CFAP54: variants seen among roughly 807,000 people sequenced by gnomAD.
The protein encoded by CFAP54 is cilia and flagella associated protein 54.
A neutral mutation model predicts 370.4 loss-of-function variants in CFAP54; 290 were observed. That is an observed-to-expected ratio of 0.78 (90% CI 0.71 to 0.86). The LOEUF is 0.86. Ranked by LOEUF, CFAP54 falls within the 40% of genes least tolerant of loss-of-function variation. The probability of loss-of-function intolerance (pLI) is 0.00; values close to 1 mark genes in which losing one functional copy is unlikely to be tolerated. For synonymous variants in CFAP54, 1,206 were observed against 1,236.5 expected (o/e 0.98, Z 0.52); for missense variants, 3,399 against 3,528.7 (o/e 0.96, Z 0.93).
At chr12:96,527,171 A>G (rs1266643353) in intron 8 of CFAP54, 75 bp from the exon 9 acceptor site, 1 of 1,296,310 alleles carries the variant, frequency 7.7e-7, no homozygotes, top group Non-Finnish European at 1.0e-6. Flanking sequence ...TGTTGGGATT[A>G]TAGGCATGAG....
At chr12:96,796,319 C>T (rs1958761727) in intron 63 of CFAP54, among the ~76,000 whole-genome samples, 2 of 152,164 alleles carry the variant, frequency 1.3e-5, no homozygotes, top group Non-Finnish European at 2.9e-5. Context: ...TGCTTTTATA[C>T]TATTCTTGTC....
At chr12:96,788,773 T>G (rs553802316) in intron 62 of CFAP54, among the ~76,000 whole-genome samples, 2 of 152,168 alleles carry the variant, frequency 1.3e-5, no homozygotes, top group Non-Finnish European at 2.9e-5. Flanking sequence ...CCTATTAAGA[T>G]ATTTTTAAGA....
chr12:96,797,933 G>A (rs1366249429), intron 63 of CFAP54, among the ~76,000 whole-genome samples: 1 of 151,514 alleles, frequency 6.6e-6, no homozygotes, highest in Non-Finnish European at 1.5e-5. Flanking sequence ...TCTACTTTTG[G>A]ATTGATTTCT....
At chr12:96,491,916 C>T (rs1051466936) in intron 1 of CFAP54, among the ~76,000 whole-genome samples, 4 of 152,062 alleles carry the variant, frequency 2.6e-5, no homozygotes, top group South Asian at 2.1e-4. Context: ...CCTGCTACCA[C>T]GCCCGGCTAA....
intron 48 of CFAP54, 56 bp downstream of exon 48, chr12:96,708,859 T>C: frequency 7.3e-7 from 1 of 1,370,196 alleles, no homozygotes; most frequent in Non-Finnish European, 1.0e-6. Flanking sequence ...CTAACTGTTC[T>C]CCCAGCCCCC....
chr12:96,840,304 C>T (rs1452634592), intron 66 of CFAP54, among the ~76,000 whole-genome samples: 1 of 152,316 alleles, frequency 6.6e-6, no homozygotes, highest in Non-Finnish European at 1.5e-5. Flanking sequence ...TTTCTGGGTA[C>T]TGGATGGGAC....
At chr12:96,563,592 C>T (rs1267016753) in intron 17 of CFAP54, among the ~76,000 whole-genome samples, 1 of 152,216 alleles carries the variant, frequency 6.6e-6, no homozygotes, top group Admixed American at 6.5e-5. Context: ...TATCTCCATG[C>T]AGATGTTTCC....
intron 11 of CFAP54, 147 bp downstream of exon 11, chr12:96,534,374 G>T (rs1955479810): frequency 1.8e-6 from 1 of 570,006 alleles, no homozygotes; most frequent in Non-Finnish European, 3.0e-6. Context: ...TGCAGGAATG[G>T]CATGGGGGTA....
chr12:96,860,945 T>A lies in CFAP54; in HGVS notation c.*7T>A. 6.5e-7 allele frequency: 1 copy of A among 1,529,240 alleles called. No homozygotes were observed. The highest frequency in any genetic ancestry group is 8.7e-7 in the Non-Finnish European group (1 of 1,144,300). The allele number at this position is 1,529,240 out of a possible 1,614,324, so 94.7% of individuals were successfully genotyped here. The stretch of plus-strand genomic sequence containing the variant: ...AGTGTCAATTATTCCCTGAATATCC[T>A]ATACACGGTAACCTTATACAGGATT... On this transcript the variant is annotated 3_prime_UTR_variant, in exon 67 of 68. Transcript: ENST00000524981.
chr12:96,533,922 G>A lies in CFAP54; in HGVS notation c.1488G>A (p.Glu496=), dbSNP rs1182773340. The change falls in exon 10 of 68, where the codon GAG becomes GAA. Residue 496 remains glutamate (E), a synonymous_variant. Coordinates refer to ENST00000524981, the MANE Select transcript of CFAP54 (RefSeq NM_001306084.2). Reference sequence around the variant, plus strand: ...TTATAAAATTAGCTTTTACCTATGAGGAGTGGAGTTTATTTGAATCTTCTG... The same window carrying A: ...TTATAAAATTAGCTTTTACCTATGAAGAGTGGAGTTTATTTGAATCTTCTG... ...VKFIKLAFTY[E]EWSLFESSAV... is the part of the protein sequence containing the mutation. 5.9e-6 allele frequency: 9 copies of A among 1,533,698 alleles called. No homozygotes were observed. Among genetic ancestry groups the A allele is most frequent in the Middle Eastern group, 1.7e-4 (1 of 6,002 alleles).
intron 15 of CFAP54, among the ~76,000 whole-genome samples, chr12:96,552,747 G>A (rs1415365454): frequency 6.6e-6 from 1 of 152,150 alleles, no homozygotes; most frequent in African/African-American, 2.4e-5. Flanking sequence ...TAAATGAACT[G>A]GAGTAGGCTT....
chr12:96,587,832 C>T (rs1834191999), intron 22 of CFAP54, among the ~76,000 whole-genome samples: 1 of 152,120 alleles, frequency 6.6e-6, no homozygotes, highest in South Asian at 2.1e-4. Context: ...CCACTTAGTA[C>T]AGTTGAGTCA....
chr12:96,557,212 T>C (rs1038693403), intron 17 of CFAP54, among the ~76,000 whole-genome samples: 1 of 152,180 alleles, frequency 6.6e-6, no homozygotes, highest in Non-Finnish European at 1.5e-5. Flanking sequence ...GATGACCAAT[T>C]GAATCTTCCT....
At chr12:96,649,384 G>T (rs1461478573) in intron 34 of CFAP54, among the ~76,000 whole-genome samples, 2 of 151,970 alleles carry the variant, frequency 1.3e-5, no homozygotes, top group Non-Finnish European at 2.9e-5. Flanking sequence ...AGAATATTTT[G>T]CTACCGAGAC....
intron 5 of CFAP54, among the ~76,000 whole-genome samples, chr12:96,513,928 G>A (rs1259205615): frequency 6.6e-6 from 1 of 152,184 alleles, no homozygotes; most frequent in Non-Finnish European, 1.5e-5. Flanking sequence ...ACAAAGGCAA[G>A]GAGACTTTAT....
At chr12:96,780,456 A>G (rs553548458) in intron 60 of CFAP54, among the ~76,000 whole-genome samples, 197 of 152,254 alleles carry the variant, frequency 1.3e-3, no homozygotes, top group African/African-American at 3.5e-3. Flanking sequence ...GCAGTGTTAC[A>G]TCTCTCATAA....
At chr12:96,659,421 A>C (rs2136515072) in intron 38 of CFAP54, among the ~76,000 whole-genome samples, 1 of 152,286 alleles carries the variant, frequency 6.6e-6, no homozygotes, top group Admixed American at 6.5e-5. Flanking sequence ...GGTGTGAACC[A>C]CTGTAATCTA....
intron 60 of CFAP54, among the ~76,000 whole-genome samples, chr12:96,771,633 A>C (rs897466771): frequency 8.5e-5 from 13 of 152,092 alleles, no homozygotes; most frequent in African/African-American, 1.9e-4. Flanking sequence ...GCCTGGGCAA[A>C]AGAGCGAGAC....
At chr12:96,805,113 A>C (rs556563992) in intron 63 of CFAP54, among the ~76,000 whole-genome samples, 19 of 152,260 alleles carry the variant, frequency 1.2e-4, no homozygotes, top group African/African-American at 4.6e-4. Flanking sequence ...TGACCTAAAC[A>C]TAAGACCTGA....
Sources: gnomAD v4.1 joint callset for allele counts (sites outside exome capture counted in the v4.1 genomes callset) on GRCh38, gnomAD v4.1.1 for gene constraint, MANE v1.5 for transcripts, NCBI Gene and HGNC (gene_info 2026-07-23, HGNC 2026-07-21) for gene names.